The following ALG5 variants were observed in gnomAD, a reference collection of about 807,000 sequenced individuals.
ALG5 encodes the protein ALG5 dolichyl-phosphate beta-glucosyltransferase.
Under a neutral mutation model 51.8 loss-of-function variants are expected in ALG5, and 26 were observed. That is an observed-to-expected ratio of 0.50 (90% CI 0.37 to 0.70). The LOEUF (loss-of-function observed/expected upper bound fraction) is 0.70. Ranked by LOEUF, ALG5 falls within the 30% of genes least tolerant of loss-of-function variation. The pLI is 0.00. For missense variants in ALG5, 311 were observed against 399.3 expected, an observed-to-expected ratio of 0.78 and a Z score of 1.88; for synonymous variants, 141 against 136.1, an observed-to-expected ratio of 1.04 and a Z score of -0.25.
intron 7 of ALG5, among the ~76,000 whole-genome samples, chr13:36,969,701 G>A (rs1393022467): frequency 1.3e-5 from 2 of 151,618 alleles, no homozygotes; most frequent in African/African-American, 4.8e-5. Flanking sequence ...CACCCAGCTA[G>A]TTTTTGTATT....
Position 36,949,837 on chromosome 13 carries a change from AGACAAT to A in ALG5, c.*99_*104del. ...TATTTCTTTAAAATTATCAAAAGGCAGACAATGACAAGAAGTTTATTTCAGCTTTAC... is the reference window on the plus strand; with the variant it reads ...TATTTCTTTAAAATTATCAAAAGGCAGACAAGAAGTTTATTTCAGCTTTAC... On this transcript the variant is annotated 3_prime_UTR_variant, in exon 10 of 10. Transcript: ENST00000239891. The A allele has an allele frequency of 1.8e-6, 1 of 562,174 alleles. No homozygotes were observed. The highest frequency in any genetic ancestry group is 3.0e-6 in the Non-Finnish European group (1 of 333,048). The allele number at this position is 562,174 out of a possible 1,614,324, so 34.8% of individuals were successfully genotyped here. A position where few individuals can be genotyped will look rare whatever the true frequency, so the allele number is the denominator to read the frequency against.
At chr13:36,982,878 TTAAA>T (rs1482481636) in intron 6 of ALG5, among the ~76,000 whole-genome samples, 9 of 152,212 alleles carry the variant, frequency 5.9e-5, no homozygotes, top group African/African-American at 2.2e-4. Context: ...GCTGGGACAC[TTAAA>T]TAATTAGGGA....
chr13:36,984,100 ATTTT>A (rs776760270), intron 6 of ALG5, among the ~76,000 whole-genome samples: 1 of 139,934 alleles, frequency 7.1e-6, no homozygotes, highest in Non-Finnish European at 1.6e-5. Context: ...TAGTTCTGTA[ATTTT>A]TTTTTTTTTT....
At chr13:36,950,179 G>A (rs939707149) in intron 9 of ALG5, 122 bp from the exon 10 acceptor site, 2 of 543,404 alleles carry the variant, frequency 3.7e-6, no homozygotes, top group Admixed American at 7.4e-5. Flanking sequence ...TTAAATCATG[G>A]ACCAAAAAGT....
chr13:36,999,269 A>G lies in ALG5; in HGVS notation c.32T>C (p.Leu11Pro). 6.3e-7 allele frequency: 1 copy of G among 1,580,794 alleles called. No individual in the cohort carries two copies. The highest frequency in any genetic ancestry group is 8.6e-7 in the Non-Finnish European group (1 of 1,166,472). The change falls in exon 1 of 10, where the codon CTC (leucine) becomes CCC (proline). Residue 11 changes from leucine (L) to proline (P), a missense_variant. By Grantham distance (98) the Leu-to-Pro change is moderately conservative (BLOSUM62 -3). Transcript: ENST00000239891. Reference protein sequence around the residue: MAPLLLQLAVLGAALAAAALV... With the variant: MAPLLLQLAVPGAALAAAALV... ...GGCTGCGGCCGCCAGCGCCGCGCCG[A>G]GCACCGCCAGCTGCAACAGAAGCGG...
rs574584993 is a variant in ALG5, at chr13:36,999,271, C to T, written c.30G>A (p.Val10=). 4.4e-6 allele frequency: 7 copies of T among 1,580,608 alleles called. No homozygotes were observed. The highest frequency in any genetic ancestry group is 1.4e-5 in the African/African-American group (1 of 71,780). The change falls in exon 1 of 10, where the codon GTG becomes GTA. Residue 10 remains valine, a synonymous_variant. Transcript: ENST00000239891. MAPLLLQLA[V]LGAALAAAAL... ...CTGCGGCCGCCAGCGCCGCGCCGAG[C>T]ACCGCCAGCTGCAACAGAAGCGGAG...
intron 8 of ALG5, among the ~76,000 whole-genome samples, chr13:36,958,474 A>T (rs1315477662): frequency 3.9e-5 from 6 of 152,088 alleles, no homozygotes. Context: ...CATGACTAAG[A>T]TCTACCATGG....
At chr13:36,973,772 A>G (rs566517657) in intron 6 of ALG5, among the ~76,000 whole-genome samples, 21 of 152,250 alleles carry the variant, frequency 1.4e-4, no homozygotes, top group Non-Finnish European at 2.9e-4. Context: ...GAAAAGCAGC[A>G]GACTTGAAAC....
intron 8 of ALG5, among the ~76,000 whole-genome samples, chr13:36,960,077 C>T (rs1482054211): frequency 6.6e-6 from 1 of 152,064 alleles, no homozygotes; most frequent in Non-Finnish European, 1.5e-5. Context: ...TTATTACCTT[C>T]GGGAAAACAA....
At chr13:36,956,850 A>G (rs1400396414) in intron 8 of ALG5, among the ~76,000 whole-genome samples, 1 of 152,084 alleles carries the variant, frequency 6.6e-6, no homozygotes, top group Non-Finnish European at 1.5e-5. Context: ...ATTGAAGCCA[A>G]AAAAGCCAAA....
At chr13:36,970,344 T>A (rs376990583) in intron 7 of ALG5, among the ~76,000 whole-genome samples, 1 of 152,190 alleles carries the variant, frequency 6.6e-6, no homozygotes, top group South Asian at 2.1e-4. Flanking sequence ...CCAGGCGTGG[T>A]GGCTGACACC....
chr13:36,992,915 C>T (rs988364113), intron 4 of ALG5, among the ~76,000 whole-genome samples: 3 of 152,266 alleles, frequency 2.0e-5, no homozygotes, highest in South Asian at 4.1e-4. Context: ...GCTAACCCCT[C>T]CCTTGCTTGT....
chr13:36,959,856 A>G (rs1273630711), intron 8 of ALG5, among the ~76,000 whole-genome samples: 1 of 151,992 alleles, frequency 6.6e-6, no homozygotes, highest in Non-Finnish European at 1.5e-5. Flanking sequence ...GGGGGTATAA[A>G]TAAGGAAATG....
intron 8 of ALG5, among the ~76,000 whole-genome samples, chr13:36,959,688 G>GGAGT: frequency 6.6e-6 from 1 of 152,192 alleles, no homozygotes; most frequent in South Asian, 2.1e-4. Flanking sequence ...CCAGAATTCT[G>GGAGT]AGGAAAAATT....
intron 6 of ALG5, among the ~76,000 whole-genome samples, chr13:36,976,608 T>C (rs1282531250): frequency 6.6e-6 from 1 of 151,452 alleles, no homozygotes; most frequent in Non-Finnish European, 1.5e-5. Flanking sequence ...ATTAGCCGGC[T>C]GTGGTTGCAA....
chr13:36,968,538 G>A (rs2058905992), intron 7 of ALG5, among the ~76,000 whole-genome samples: 1 of 152,338 alleles, frequency 6.6e-6, no homozygotes, highest in East Asian at 1.9e-4. Flanking sequence ...ACATGGGAAT[G>A]TAAGCACTTT....
At position 36,949,898 on chromosome 13, in the gene ALG5, T is replaced by C. The variant is rs774461644; in HGVS notation, c.*44A>G. The C allele has an allele frequency of 8.3e-7, 1 of 1,201,306 alleles. No homozygotes were observed. Among genetic ancestry groups the C allele is most frequent in the Non-Finnish European group, 1.2e-6 (1 of 850,358 alleles). The allele number at this position is 1,201,306 out of a possible 1,614,324, so 74.4% of individuals were successfully genotyped here. Reference sequence around the variant, plus strand: ...AATTTTAGTTTCAAATGAAATGAAATGTGACACTGAAGCATAAGAACACAA... The same window carrying C: ...AATTTTAGTTTCAAATGAAATGAAACGTGACACTGAAGCATAAGAACACAA... On this transcript the variant is annotated 3_prime_UTR_variant, in exon 10 of 10. Coordinates refer to ENST00000239891, the MANE Select transcript of ALG5 (RefSeq NM_013338.5).
chr13:36,974,338 A>G (rs1458724545), intron 6 of ALG5, among the ~76,000 whole-genome samples: 1 of 152,158 alleles, frequency 6.6e-6, no homozygotes, highest in Non-Finnish European at 1.5e-5. Context: ...TTGAATGACT[A>G]ACAAAAATAA....
intron 7 of ALG5, among the ~76,000 whole-genome samples, chr13:36,971,744 C>T (rs1377148664): frequency 6.6e-6 from 1 of 150,998 alleles, no homozygotes; most frequent in Admixed American, 6.6e-5. Flanking sequence ...GAACTGCTTC[C>T]ATCCTAAGGC....
Sources: allele counts gnomAD v4.1 joint callset (sites outside exome capture counted in the v4.1 genomes callset), GRCh38; gene constraint gnomAD v4.1.1; transcripts MANE v1.5; gene names NCBI Gene and HGNC (gene_info 2026-07-23, HGNC 2026-07-21).